Variants in WWTR1 observed in about 807,000 individuals in gnomAD.
WWTR1 encodes WW domain containing transcription regulator 1.
In WWTR1, 13 loss-of-function variants were observed where a neutral mutation model predicts 40.1. That is an observed-to-expected ratio of 0.32 (90% CI 0.21 to 0.52). The LOEUF is 0.52. Ranked by LOEUF, WWTR1 falls within the 20% of genes least tolerant of loss-of-function variation. The pLI is 0.97. For missense variants in WWTR1, 436 were observed against 523.1 expected (o/e 0.83, Z 1.63); for synonymous variants, 230 against 210.1 (o/e 1.09, Z -0.82).
chr3:149,724,783 G>A (rs964590220), exon 3 of WWTR1: 1 of 152,010 alleles, frequency 6.6e-6, no homozygotes, highest in Non-Finnish European at 1.5e-5. Flanking sequence ...TCACTTTTTT[G>A]TTGTTCTGTT....
intron 3 of WWTR1, among the ~76,000 whole-genome samples, chr3:149,565,242 T>C (rs1490139694): frequency 2.0e-5 from 3 of 152,116 alleles, no homozygotes; most frequent in African/African-American, 7.2e-5. Context: ...CATTTGTTTA[T>C]TTACTGGCTA....
intron 2 of WWTR1, among the ~76,000 whole-genome samples, chr3:149,621,102 A>T (rs1740244676): frequency 6.6e-6 from 1 of 152,202 alleles, no homozygotes; most frequent in Non-Finnish European, 1.5e-5. Flanking sequence ...ACAGAATAAC[A>T]TGCTTTTTCT....
At chr3:149,598,012 G>C (rs2108044352) in intron 2 of WWTR1, among the ~76,000 whole-genome samples, 1 of 152,256 alleles carries the variant, frequency 6.6e-6, no homozygotes, top group Non-Finnish European at 1.5e-5. Context: ...AGCAGCATCT[G>C]TACTCAAGTG....
At chr3:149,628,409 T>C (rs938816737) in intron 2 of WWTR1, among the ~76,000 whole-genome samples, 2 of 152,128 alleles carry the variant, frequency 1.3e-5, no homozygotes, top group African/African-American at 4.8e-5. Context: ...TAAGCCAGTT[T>C]GGGGCACTTT....
At chr3:149,626,305 G>A (rs1740541814) in intron 2 of WWTR1, among the ~76,000 whole-genome samples, 1 of 152,076 alleles carries the variant, frequency 6.6e-6, no homozygotes, top group Non-Finnish European at 1.5e-5. Flanking sequence ...CAAAAACCCA[G>A]CATACAGTAA....
chr3:149,628,515 T>C (rs1043319281), intron 2 of WWTR1, among the ~76,000 whole-genome samples: 2 of 152,254 alleles, frequency 1.3e-5, no homozygotes, highest in Non-Finnish European at 2.9e-5. Context: ...GTATTGTTTA[T>C]TGCTTTGTAT....
At chr3:149,538,701 T>C (rs1735940903) in intron 4 of WWTR1, among the ~76,000 whole-genome samples, 1 of 152,108 alleles carries the variant, frequency 6.6e-6, no homozygotes. Flanking sequence ...GAAAAAGGAG[T>C]ATCTGATGCT....
chr3:149,592,934 T>C (rs1170190202), intron 2 of WWTR1, among the ~76,000 whole-genome samples: 1 of 152,098 alleles, frequency 6.6e-6, no homozygotes, highest in East Asian at 1.9e-4. Context: ...TCTCCACTAA[T>C]GTCACTGGGG....
intron 4 of WWTR1, among the ~76,000 whole-genome samples, chr3:149,719,746 C>G (rs1328539966): frequency 6.6e-6 from 1 of 152,162 alleles, no homozygotes; most frequent in African/African-American, 2.4e-5. Context: ...CACAAAGATT[C>G]TATTTTCTCC....
chr3:149,614,365 T>C (rs1739871482), intron 2 of WWTR1, among the ~76,000 whole-genome samples: 1 of 152,162 alleles, frequency 6.6e-6, no homozygotes, highest in Non-Finnish European at 1.5e-5. Flanking sequence ...ATACCTACAG[T>C]ATTCAGTACA....
chr3:149,568,556 A>AAAAAAAAAAAAAAAAC (rs1560064535), intron 3 of WWTR1, among the ~76,000 whole-genome samples: 1 of 138,560 alleles, frequency 7.2e-6, no homozygotes, highest in Non-Finnish European at 1.5e-5. Context: ...AAAAAAAAAA[A>AAAAAAAAAAAAAAAAC]AAAACCATAT....
chr3:149,574,860 C>T (rs994912910), intron 2 of WWTR1, among the ~76,000 whole-genome samples: 6 of 151,434 alleles, frequency 4.0e-5, no homozygotes, highest in Admixed American at 6.6e-5. Flanking sequence ...TTTGGGAGGC[C>T]GAGGCGGGTG....
At chr3:149,628,254 C>CAGCT (rs1740672002) in intron 2 of WWTR1, among the ~76,000 whole-genome samples, 1 of 152,124 alleles carries the variant, frequency 6.6e-6, no homozygotes, top group South Asian at 2.1e-4. Flanking sequence ...CCTGTAGTCC[C>CAGCT]AGCTACTCGG....
At chr3:149,558,470 A>G (rs953838914) in intron 3 of WWTR1, among the ~76,000 whole-genome samples, 5 of 152,206 alleles carry the variant, frequency 3.3e-5, no homozygotes, top group East Asian at 1.9e-4. Flanking sequence ...GCCTTTCCAC[A>G]TATTTCATTA....
chr3:149,621,086 A>T (rs1329303195), intron 2 of WWTR1, among the ~76,000 whole-genome samples: 2 of 152,352 alleles, frequency 1.3e-5, no homozygotes, highest in East Asian at 3.9e-4. Flanking sequence ...GGGTCCTGAA[A>T]ATGTCACAGA....
chr3:149,567,719 T>C (rs150963244), intron 3 of WWTR1, among the ~76,000 whole-genome samples: 21 of 152,352 alleles, frequency 1.4e-4, no homozygotes, highest in African/African-American at 5.0e-4. Flanking sequence ...AGACATGGAC[T>C]ACCTAAATAC....
At chr3:149,541,762 C>T (rs954736574) in intron 4 of WWTR1, among the ~76,000 whole-genome samples, 5 of 152,166 alleles carry the variant, frequency 3.3e-5, no homozygotes, top group African/African-American at 1.2e-4. Context: ...AGTACCACTA[C>T]TCTGAGATCG....
In WWTR1 at chr3:149,586,319, C is replaced by G. The variant is rs549427949; in HGVS notation, c.432-13319G>C. On this transcript the variant is annotated intron_variant, in intron 2 of 6. Transcript: ENST00000360632. The stretch of plus-strand genomic sequence containing the variant: ...AATAATCACTTGTTTCTAAATGATC[C>G]CTCAGTGATAGTAATCCTTTGGCTG... Among the ~76,000 whole-genome samples, 273 of 151,670 alleles carry G rather than the reference C, an allele frequency of 1.8e-3. 2 individuals are homozygous for G. Among genetic ancestry groups the G allele is most frequent in the African/African-American group, 6.3e-3 (259 of 41,306 alleles).
chr3:149,617,850 A>G (rs1298795980), intron 2 of WWTR1, among the ~76,000 whole-genome samples: 6 of 152,212 alleles, frequency 3.9e-5, no homozygotes, highest in African/African-American at 1.4e-4. Context: ...CAATATTCAG[A>G]GTCCAATATT....
Sources: allele counts gnomAD v4.1 joint callset (sites outside exome capture counted in the v4.1 genomes callset), GRCh38; gene constraint gnomAD v4.1.1; transcripts MANE v1.5; gene names NCBI Gene and HGNC (gene_info 2026-07-23, HGNC 2026-07-21).